RABEP1: variants seen among roughly 807,000 people sequenced by gnomAD.
RABEP1 encodes the protein rab GTPase-binding effector protein 1.
A neutral mutation model predicts 123.4 loss-of-function variants in RABEP1; 51 were observed. That is an observed-to-expected ratio of 0.41 (90% CI 0.33 to 0.52). The LOEUF (loss-of-function observed/expected upper bound fraction) is 0.52. RABEP1 is among the 20% of genes least tolerant of loss of function. RABEP1 has a pLI of 0.16. For missense variants in RABEP1, 888 were observed against 996.3 expected, an observed-to-expected ratio of 0.89 and a Z score of 1.46; for synonymous variants, 347 against 355.2, an observed-to-expected ratio of 0.98 and a Z score of 0.26.
Position 5,361,250 on chromosome 17 carries a change from G to A in RABEP1, c.1138G>A (p.Ala380Thr), listed in dbSNP as rs753160863. Residue 380 changes from alanine to threonine, a missense_variant, in exon 9 of 18, where the codon GCA (alanine) becomes ACA (threonine). Ala to Thr is a moderately conservative substitution (Grantham distance 58). Coordinates refer to ENST00000537505, the MANE Select transcript of RABEP1 (RefSeq NM_004703.6). ...STRGSVHSLD[A>T]GLLLPSGDPF... is the part of the protein sequence containing the mutation. ...CCGTGGCTCAGTTCATTCCTTAGATGCAGGCTTGCTGTTGCCATCTGGAGA... is the reference window on the plus strand; with the variant it reads ...CCGTGGCTCAGTTCATTCCTTAGATACAGGCTTGCTGTTGCCATCTGGAGA... 6.2e-7 allele frequency: 1 copy of A among 1,614,170 alleles called. No homozygotes were observed. Among genetic ancestry groups the A allele is most frequent in the East Asian group, 2.2e-5 (1 of 44,882 alleles).
intron 8 of RABEP1, among the ~76,000 whole-genome samples, chr17:5,359,503 C>T (rs1468433284): frequency 6.6e-6 from 1 of 152,072 alleles, no homozygotes; most frequent in Non-Finnish European, 1.5e-5. Flanking sequence ...AACAGAATGG[C>T]TTATCCCAGT....
In RABEP1 at chr17:5,373,693, AACACACACACACACACACACACACACAC is replaced by A. The variant is rs55736303; in HGVS notation, c.2025+256_2025+283del. Among the ~76,000 whole-genome samples the A allele has an allele frequency of 3.5e-4, 48 of 135,330 alleles. 1 individual carries two copies. The highest frequency in any genetic ancestry group is 6.3e-4 in the East Asian group (3 of 4,772). 88.8% of individuals were successfully genotyped at this position (135,330 alleles called of 152,430 possible). On this transcript the variant is annotated intron_variant, in intron 13 of 17. Transcript: ENST00000537505. ...CCCTGTGACCCGACTACACCAGCTAAACACACACACACACACACACACACACACACACACACACACACACGAAAAAGTA... is the reference window on the plus strand; with the variant it reads ...CCCTGTGACCCGACTACACCAGCTAAACACACACACACACACGAAAAAGTA...
intron 2 of RABEP1, among the ~76,000 whole-genome samples, chr17:5,328,822 G>T (rs1906228118): frequency 6.6e-6 from 1 of 150,990 alleles, no homozygotes; most frequent in African/African-American, 2.4e-5. Context: ...GCAGTGGCAG[G>T]CGCCTGTAAT....
intron 1 of RABEP1, among the ~76,000 whole-genome samples, chr17:5,293,074 G>T (rs2075047847): frequency 6.6e-6 from 1 of 152,092 alleles, no homozygotes; most frequent in South Asian, 2.1e-4. Flanking sequence ...TGGATCCCTT[G>T]AGGTCAGGAG....
intron 15 of RABEP1, among the ~76,000 whole-genome samples, chr17:5,379,354 A>G (rs1911259616): frequency 6.6e-6 from 1 of 152,174 alleles, no homozygotes; most frequent in African/African-American, 2.4e-5. Context: ...GTCCCCGCGC[A>G]GTGCCGGGCC....
At chr17:5,283,409 A>G (rs967377871) in intron 1 of RABEP1, among the ~76,000 whole-genome samples, 3 of 152,076 alleles carry the variant, frequency 2.0e-5, no homozygotes, top group Non-Finnish European at 4.4e-5. Flanking sequence ...GCCCTTCGTG[A>G]CCTTCTGGGA....
At chr17:5,350,238 G>A (rs1393618459) in intron 6 of RABEP1, among the ~76,000 whole-genome samples, 2 of 152,090 alleles carry the variant, frequency 1.3e-5, no homozygotes, top group Non-Finnish European at 2.9e-5. Context: ...AAATTAGCCG[G>A]GCATGGTGGC....
At chr17:5,319,757 C>G (rs2075335416) in intron 2 of RABEP1, among the ~76,000 whole-genome samples, 1 of 152,100 alleles carries the variant, frequency 6.6e-6, no homozygotes, top group South Asian at 2.1e-4. Flanking sequence ...GAAAATTCAT[C>G]AGAGGCTCTC....
intron 1 of RABEP1, 94 bp downstream of exon 1, chr17:5,282,614 G>A: frequency 1.1e-6 from 1 of 894,130 alleles, no homozygotes; most frequent in Non-Finnish European, 1.4e-6. Flanking sequence ...CGGCAAGGGC[G>A]CGCGCAGGCC....
intron 5 of RABEP1, among the ~76,000 whole-genome samples, chr17:5,343,843 T>C (rs1219386542): frequency 1.3e-5 from 2 of 151,648 alleles, no homozygotes; most frequent in African/African-American, 4.8e-5. Context: ...ACCTGGCTAA[T>C]TTTTGTATTT....
At chr17:5,326,746 G>A (rs1305312094) in intron 2 of RABEP1, among the ~76,000 whole-genome samples, 1 of 152,050 alleles carries the variant, frequency 6.6e-6, no homozygotes, top group African/African-American at 2.4e-5. Flanking sequence ...TGGGGCATAT[G>A]GGAAACCTCT....
chr17:5,380,335 G>A (rs1021554848), intron 15 of RABEP1, 29 bp from the exon 16 acceptor site: 2 of 1,474,646 alleles, frequency 1.4e-6, no homozygotes. Context: ...GGGAGTTTCT[G>A]TGAGTTTCAG....
chr17:5,299,165 A>T (rs919461614), intron 1 of RABEP1, among the ~76,000 whole-genome samples: 48 of 152,238 alleles, frequency 3.2e-4, no homozygotes, highest in Admixed American at 2.6e-3. Flanking sequence ...TACCACACTG[A>T]TACCCAAACT....
intron 2 of RABEP1, among the ~76,000 whole-genome samples, chr17:5,310,407 C>T (rs1597342253): frequency 2.0e-5 from 3 of 151,114 alleles, no homozygotes; most frequent in Middle Eastern, 3.4e-3. Flanking sequence ...CTCCGCCTCC[C>T]ATATTCAAGT....
At chr17:5,315,696 C>G (rs936584455) in intron 2 of RABEP1, among the ~76,000 whole-genome samples, 1 of 151,886 alleles carries the variant, frequency 6.6e-6, no homozygotes, top group Non-Finnish European at 1.5e-5. Flanking sequence ...ACTAAAAATA[C>G]AAAAAACTAG....
chr17:5,370,905 T>TA (rs1441497342), intron 12 of RABEP1, among the ~76,000 whole-genome samples: 4 of 152,190 alleles, frequency 2.6e-5, no homozygotes, highest in African/African-American at 7.2e-5. Context: ...GTTCAAATGT[T>TA]AGTTTTTCTC....
At chr17:5,294,721 C>T (rs2075065822) in intron 1 of RABEP1, among the ~76,000 whole-genome samples, 1 of 131,424 alleles carries the variant, frequency 7.6e-6, no homozygotes, top group Non-Finnish European at 1.6e-5. Flanking sequence ...GATCTCGGCT[C>T]ACTGCAAGCT....
chr17:5,320,653 G>T (rs1281436696), intron 2 of RABEP1, among the ~76,000 whole-genome samples: 1 of 152,044 alleles, frequency 6.6e-6, no homozygotes, highest in Non-Finnish European at 1.5e-5. Flanking sequence ...AGTTGTAGAA[G>T]TTTTTTTCCC....
intron 16 of RABEP1, chr17:5,380,673 T>C (rs1405722324): frequency 1.3e-5 from 7 of 556,392 alleles, no homozygotes; most frequent in Non-Finnish European, 2.3e-5. Flanking sequence ...GCCTGCGTCA[T>C]AGGCTAGCTT....
Sources: gnomAD v4.1 joint callset for allele counts (sites outside exome capture counted in the v4.1 genomes callset) on GRCh38, gnomAD v4.1.1 for gene constraint, MANE v1.5 for transcripts, NCBI Gene and HGNC (gene_info 2026-07-23, HGNC 2026-07-21) for gene names.